The following DAW1 variants were observed in gnomAD, a reference collection of about 807,000 sequenced individuals.
DAW1 encodes dynein assembly factor with WD repeat domains 1.
Under a neutral mutation model 56.5 loss-of-function variants are expected in DAW1, and 47 were observed. The observed-to-expected ratio is 0.83, with a 90% CI of 0.66 to 1.06. The LOEUF (loss-of-function observed/expected upper bound fraction) is 1.06, where lower values mean the gene tolerates loss of function less well. Among genes scored for constraint, DAW1 ranks in the 50% least tolerant of loss-of-function variants. The probability of loss-of-function intolerance (pLI) is 0.00; values close to 1 mark genes in which losing one functional copy is unlikely to be tolerated. For missense variants in DAW1, 505 were observed against 499.3 expected, an observed-to-expected ratio of 1.01 and a Z score of -0.11; for synonymous variants, 190 against 179.0, an observed-to-expected ratio of 1.06 and a Z score of -0.49.
At chr2:227,907,103 C>CT (rs370563385) in intron 9 of DAW1, 35 bp from the exon 10 acceptor site, 45,172 of 1,069,448 alleles carry the variant, frequency 0.042, 168 homozygotes, top group African/African-American at 0.094. Context: ...AAGTCATAGT[C>CT]TTTTTTTTTT....
chr2:227,907,071 C>T, intron 9 of DAW1, 67 bp from the exon 10 acceptor site: 2 of 1,104,022 alleles, frequency 1.8e-6, no homozygotes, highest in East Asian at 2.5e-5. Flanking sequence ...AGACCACTGG[C>T]CATCTTCACA....
At position 227,924,209 on chromosome 2, in the gene DAW1, T is replaced by G; in HGVS notation, c.*241T>G. 1 of 519,598 alleles carries G rather than the reference T, an allele frequency of 1.9e-6. No homozygotes were observed. Among genetic ancestry groups the G allele is most frequent in the Non-Finnish European group, 3.4e-6 (1 of 291,288 alleles). 32.2% of individuals were successfully genotyped at this position (519,598 alleles called of 1,614,324 possible). On this transcript the variant is annotated 3_prime_UTR_variant, in exon 13 of 13. Coordinates refer to ENST00000309931, the MANE Select transcript of DAW1 (RefSeq NM_178821.3). ...ATAATGTTTGGCTAATGCCACCAGT[T>G]ATTTCAGTTGTGTTTGTTTTTTAAA... is the stretch of plus-strand genomic sequence containing the variant.
chr2:227,913,964 TGA>T (rs756805626), intron 10 of DAW1, among the ~76,000 whole-genome samples: 2 of 146,480 alleles, frequency 1.4e-5, no homozygotes, highest in Non-Finnish European at 3.0e-5. Context: ...TCTAATCTAT[TGA>T]GAGAGAGAGT....
At chr2:227,886,726 C>G (rs1449442125) in intron 2 of DAW1, among the ~76,000 whole-genome samples, 1 of 152,216 alleles carries the variant, frequency 6.6e-6, no homozygotes, top group African/African-American at 2.4e-5. Flanking sequence ...GCAGGAGGAT[C>G]ACTTCAGGCT....
chr2:227,890,106 G>A, intron 3 of DAW1, 106 bp downstream of exon 3: 3 of 1,187,966 alleles, frequency 2.5e-6, no homozygotes, highest in Non-Finnish European at 3.4e-6. Context: ...AGGCATGTCA[G>A]TGATTGATTG....
chr2:227,894,833 C>T (rs550203419), intron 5 of DAW1, among the ~76,000 whole-genome samples: 5 of 152,320 alleles, frequency 3.3e-5, no homozygotes, highest in South Asian at 2.1e-4. Context: ...TGGGCATCCT[C>T]CTCCTGCTGG....
rs543242743 is a variant in DAW1 at position 227,906,413 on chromosome 2, A to T, written c.858+75A>T. On this transcript the variant is annotated intron_variant, in intron 9 of 12. Transcript: ENST00000309931. ...TACTGTGTCAGATATCCATTGTAAC[A>T]TTAACAGATTTCAAAGATGATATAA... 107 of 926,962 alleles carry T rather than the reference A, an allele frequency of 1.2e-4. No individual in the cohort carries two copies. In the East Asian group the frequency reaches 2.9e-3, roughly 25 times the overall value. 57.4% of individuals were successfully genotyped at this position (926,962 alleles called of 1,614,324 possible).
intron 5 of DAW1, among the ~76,000 whole-genome samples, chr2:227,897,524 C>T (rs1691439689): frequency 6.6e-6 from 1 of 152,100 alleles, no homozygotes; most frequent in Non-Finnish European, 1.5e-5. Context: ...AGTTGTAAGC[C>T]AGGGTTAAAA....
chr2:227,923,398 T>C (rs1692153473), intron 12 of DAW1, among the ~76,000 whole-genome samples: 1 of 152,218 alleles, frequency 6.6e-6, no homozygotes, highest in Admixed American at 6.5e-5. Context: ...ATGGTTTTTA[T>C]AGGCTTTCCT....
intron 10 of DAW1, among the ~76,000 whole-genome samples, chr2:227,911,249 TATATACAC>T (rs1691810404): frequency 1.4e-5 from 2 of 142,800 alleles, no homozygotes; most frequent in Admixed American, 1.4e-4. Flanking sequence ...CATATATACA[TATATACAC>T]GTGTATATAC....
chr2:227,904,856 G>A, intron 7 of DAW1, 73 bp from the exon 8 acceptor site: 6 of 1,390,896 alleles, frequency 4.3e-6, no homozygotes, highest in Non-Finnish European at 6.0e-6. Flanking sequence ...TTTCCTTTTA[G>A]ACTATGATAT....
intron 4 of DAW1, among the ~76,000 whole-genome samples, chr2:227,893,503 T>C (rs1691324881): frequency 6.6e-6 from 1 of 151,750 alleles, no homozygotes; most frequent in South Asian, 2.1e-4. Flanking sequence ...CCATCTCTGC[T>C]AAAAACACAC....
intron 8 of DAW1, among the ~76,000 whole-genome samples, chr2:227,905,338 G>C (rs1452242615): frequency 2.6e-5 from 4 of 152,160 alleles, no homozygotes; most frequent in African/African-American, 4.8e-5. Context: ...TTGTCATTAT[G>C]TTAGGCAGGA....
rs746611962 is a variant in DAW1, at chr2:227,893,868, G to C, written c.391G>C (p.Glu131Gln). Residue 131 changes from glutamate to glutamine, a missense_variant, in exon 5 of 13, where the codon GAG (glutamate) becomes CAG (glutamine). By Grantham distance (29) the Glu-to-Gln change is conservative. Transcript: ENST00000309931. The part of the protein sequence containing the change: ...TASGEELNTL[E>Q]GHRNVVYAIA... ...GTCTGGAGAGGAGCTGAACACGCTG[G>C]AGGGCCACAGGAATGTGGTTTATGC... 2 of 1,613,818 alleles carry C rather than the reference G, an allele frequency of 1.2e-6. No homozygotes were observed. Among genetic ancestry groups the C allele is most frequent in the South Asian group, 1.1e-5 (1 of 91,050 alleles).
intron 2 of DAW1, chr2:227,887,602 A>T (rs1353754743): frequency 6.6e-6 from 1 of 152,226 alleles, no homozygotes; most frequent in Non-Finnish European, 1.5e-5. Context: ...AAAACCACAG[A>T]TTTTTATATC....
At chr2:227,889,366 C>G (rs1040162765) in intron 2 of DAW1, 1 of 152,302 alleles carries the variant, frequency 6.6e-6, no homozygotes, top group Admixed American at 6.5e-5. Context: ...CTTGATGCTG[C>G]GTCTTCACAT....
Position 227,885,341 on chromosome 2 carries a change from A to T in DAW1, c.41-10A>T. The stretch of plus-strand genomic sequence containing the variant: ...TAAGTGTTTTATAACATGTTTGTTT[A>T]TTTCTATAGGAATTATGTTGGAATA... On this transcript the variant is annotated splice_polypyrimidine_tract_variant and intron_variant, in intron 1 of 12. Transcript: ENST00000309931. The T allele has an allele frequency of 6.4e-7, 1 of 1,568,862 alleles. No homozygotes were observed. The highest frequency in any genetic ancestry group is 8.6e-7 in the Non-Finnish European group (1 of 1,156,582).
At chr2:227,881,375 G>A (rs1024967476) in intron 1 of DAW1, among the ~76,000 whole-genome samples, 1 of 152,208 alleles carries the variant, frequency 6.6e-6, no homozygotes. Context: ...TCACAGGCCT[G>A]CTGTGCTTAA....
Position 227,885,331 on chromosome 2 carries a change from ATGTT to A in DAW1, c.41-14_41-11del. On this transcript the variant is annotated splice_polypyrimidine_tract_variant and intron_variant, in intron 1 of 12. Transcript: ENST00000309931. ...GTGGTTATCGTAAGTGTTTTATAAC[ATGTT>A]TGTTTATTTCTATAGGAATTATGTT... The A allele has an allele frequency of 6.5e-7, 1 of 1,538,316 alleles. No homozygotes were observed. Among genetic ancestry groups the A allele is most frequent in the South Asian group, 1.3e-5 (1 of 79,612 alleles).
Sources: gnomAD v4.1 joint callset for allele counts (sites outside exome capture counted in the v4.1 genomes callset) on GRCh38, gnomAD v4.1.1 for gene constraint, MANE v1.5 for transcripts, NCBI Gene and HGNC (gene_info 2026-07-23, HGNC 2026-07-21) for gene names.